RBFOX1: variants seen among roughly 807,000 people sequenced by gnomAD.
RBFOX1 encodes the protein RNA binding protein fox-1 homolog 1.
Under a neutral mutation model 57.7 loss-of-function variants are expected in RBFOX1, and 8 were observed. The observed-to-expected ratio is 0.14, with a 90% CI of 0.08 to 0.25. RBFOX1 has a LOEUF of 0.25. Ranked by LOEUF, RBFOX1 falls within the 10% of genes least tolerant of loss-of-function variation. RBFOX1 has a pLI of 1.00. For missense variants in RBFOX1, 611 were observed against 548.5 expected (o/e 1.11, Z -1.14); for synonymous variants, 326 against 222.4 (o/e 1.47, Z -4.15).
chr16:5,403,644 C>G (rs536482542), intron 1 of RBFOX1, among the ~76,000 whole-genome samples: 2 of 152,074 alleles, frequency 1.3e-5, no homozygotes, highest in African/African-American at 4.8e-5. Flanking sequence ...CGAGGTTTCG[C>G]CATGTTGGCC....
At chr16:7,408,179 A>G (rs1437681388) in intron 4 of RBFOX1, among the ~76,000 whole-genome samples, 3 of 152,202 alleles carry the variant, frequency 2.0e-5, no homozygotes, top group Admixed American at 6.5e-5. Flanking sequence ...ACAACCTCCT[A>G]TTGAACGTCT....
At chr16:5,977,605 C>T (rs1201315443) in intron 4 of RBFOX1, among the ~76,000 whole-genome samples, 4 of 152,182 alleles carry the variant, frequency 2.6e-5, no homozygotes, top group South Asian at 2.1e-4. Flanking sequence ...GGAACAACTG[C>T]AAGGCTGCTG....
At chr16:6,075,568 A>G (rs185647556) in intron 1 of RBFOX1, among the ~76,000 whole-genome samples, 262 of 152,348 alleles carry the variant, frequency 1.7e-3, no homozygotes, top group African/African-American at 5.9e-3. Flanking sequence ...GATTTACGCC[A>G]TAGAACAAAG....
rs536999982 is a variant in RBFOX1, at chr16:6,252,089, A to T, written c.-126-64906A>T. Among the ~76,000 whole-genome samples the T allele has an allele frequency of 4.9e-4, 75 of 152,004 alleles. 5 individuals carry two copies. On this transcript the variant is annotated intron_variant, in intron 1 of 15. Coordinates refer to ENST00000550418, the MANE Select transcript of RBFOX1 (RefSeq NM_018723.4). ...GCCCTGAGCATTTCTAAGCATCCTC[A>T]TGTTCTTCTCCAACTTCCCCTATGA... is the stretch of plus-strand genomic sequence containing the variant.
intron 3 of RBFOX1, among the ~76,000 whole-genome samples, chr16:5,823,802 G>C (rs1258383678): frequency 2.0e-5 from 3 of 152,104 alleles, no homozygotes; most frequent in Admixed American, 6.5e-5. Flanking sequence ...TCTAATTGCA[G>C]GAAAACAAGC....
At chr16:7,243,703 C>T (rs1442120720) in intron 4 of RBFOX1, among the ~76,000 whole-genome samples, 2 of 152,048 alleles carry the variant, frequency 1.3e-5, no homozygotes, top group Non-Finnish European at 2.9e-5. Flanking sequence ...TGCATCATCA[C>T]ATCCAGCTAA....
chr16:6,443,038 A>C (rs2094417804), intron 2 of RBFOX1, among the ~76,000 whole-genome samples: 1 of 152,174 alleles, frequency 6.6e-6, no homozygotes, highest in African/African-American at 2.4e-5. Flanking sequence ...ATTCAGCAGG[A>C]CCCACTTTGG....
chr16:6,497,037 G>A (rs999735276), intron 2 of RBFOX1, among the ~76,000 whole-genome samples: 2 of 152,192 alleles, frequency 1.3e-5, no homozygotes, highest in East Asian at 3.9e-4. Context: ...GTCTTGGTTG[G>A]CTTATATGAG....
chr16:5,978,675 TTTG>T (rs1415518387), intron 4 of RBFOX1, among the ~76,000 whole-genome samples: 2 of 145,632 alleles, frequency 1.4e-5, no homozygotes, highest in African/African-American at 5.1e-5. Context: ...TGTTTTTTTG[TTTG>T]TTTTTTTTTT....
chr16:5,519,809 C>T (rs757904053), intron 2 of RBFOX1, among the ~76,000 whole-genome samples: 1 of 152,116 alleles, frequency 6.6e-6, no homozygotes, highest in Non-Finnish European at 1.5e-5. Flanking sequence ...AACTCAGTGC[C>T]TTGTTTTTTC....
At chr16:7,470,995 G>C (rs1487220738) in intron 4 of RBFOX1, among the ~76,000 whole-genome samples, 1 of 151,982 alleles carries the variant, frequency 6.6e-6, no homozygotes, top group Admixed American at 6.6e-5. Flanking sequence ...CTACTGCCAA[G>C]ATAGATTTTA....
chr16:7,397,725 T>C (rs1036903030), intron 4 of RBFOX1, among the ~76,000 whole-genome samples: 5 of 152,204 alleles, frequency 3.3e-5, no homozygotes, highest in Non-Finnish European at 5.9e-5. Flanking sequence ...TTTTGACATG[T>C]GTATTCACTC....
rs375469674 is a variant in RBFOX1 at position 5,896,064 on chromosome 16, GGA to G, written c.351+28732_351+28733del. On this transcript the variant is annotated intron_variant, in intron 4 of 19. Coordinates refer to the RBFOX1 transcript ENST00000641259. Reference sequence around the variant, plus strand: ...CGAGCCTGAGAGGGGATTTTCCTTAGGAGATTTATTGGGGAAGTGCCGTCAGG... The same window carrying G: ...CGAGCCTGAGAGGGGATTTTCCTTAGGATTTATTGGGGAAGTGCCGTCAGG... Among the ~76,000 whole-genome samples the G allele has an allele frequency of 2.4e-3, 359 of 152,236 alleles. 2 individuals are homozygous for G. Among genetic ancestry groups the G allele is most frequent in the Admixed American group, 5.0e-3 (77 of 15,282 alleles).
At chr16:7,656,492 G>C (rs201719140) in intron 12 of RBFOX1, among the ~76,000 whole-genome samples, 5 of 143,578 alleles carry the variant, frequency 3.5e-5, no homozygotes, top group East Asian at 5.8e-4. Flanking sequence ...GAACCCCTAT[G>C]TTGTGTTCAG....
At chr16:5,766,867 C>G (rs1027616520) in intron 3 of RBFOX1, among the ~76,000 whole-genome samples, 3 of 152,252 alleles carry the variant, frequency 2.0e-5, no homozygotes, top group Non-Finnish European at 2.9e-5. Flanking sequence ...TAGCCTTTCA[C>G]TGAGGAGTCA....
intron 4 of RBFOX1, among the ~76,000 whole-genome samples, chr16:7,247,245 C>T (rs1292373555): frequency 2.6e-5 from 4 of 152,232 alleles, no homozygotes; most frequent in East Asian, 3.9e-4. Flanking sequence ...TTCTATTGTG[C>T]AAACGCCTTC....
At chr16:6,541,679 C>G (rs2096821844) in intron 2 of RBFOX1, among the ~76,000 whole-genome samples, 1 of 152,130 alleles carries the variant, frequency 6.6e-6, no homozygotes, top group Non-Finnish European at 1.5e-5. Flanking sequence ...GCAAGAATAT[C>G]AATTCTGGGC....
At chr16:6,169,869 A>G (rs2096945699) in intron 1 of RBFOX1, among the ~76,000 whole-genome samples, 1 of 152,044 alleles carries the variant, frequency 6.6e-6, no homozygotes, top group Admixed American at 6.6e-5. Flanking sequence ...GGTTCAAGTG[A>G]TTCTCTGGCC....
intron 4 of RBFOX1, among the ~76,000 whole-genome samples, chr16:7,413,494 G>T (rs1265372018): frequency 6.6e-6 from 1 of 152,016 alleles, no homozygotes; most frequent in Non-Finnish European, 1.5e-5. Flanking sequence ...AACACTACCA[G>T]CCTGGGGACC....
Sources: allele counts gnomAD v4.1 joint callset (sites outside exome capture counted in the v4.1 genomes callset), GRCh38; gene constraint gnomAD v4.1.1; transcripts MANE v1.5; gene names NCBI Gene and HGNC (gene_info 2026-07-23, HGNC 2026-07-21).